Variants in ERBB2 observed in about 807,000 individuals in gnomAD.
ERBB2 encodes the protein receptor tyrosine-protein kinase erbB-2.
Under a neutral mutation model 149.0 loss-of-function variants are expected in ERBB2, and 61 were observed. The ratio of observed to expected loss-of-function variants is 0.41; its 90% confidence interval spans 0.33 to 0.51. ERBB2 has a LOEUF of 0.51. Among genes scored for constraint, ERBB2 ranks in the 20% least tolerant of loss-of-function variants. The pLI, the probability that ERBB2 is intolerant of heterozygous loss-of-function variation, is 0.25. For missense variants in ERBB2, 1,205 were observed against 1,655.1 expected (o/e 0.73, Z 4.72); for synonymous variants, 633 against 678.8 (o/e 0.93, Z 1.05).
chr17:39,704,880 G>C (rs1352774417), intron 1 of ERBB2, among the ~76,000 whole-genome samples: 1 of 152,170 alleles, frequency 6.6e-6, no homozygotes, highest in Non-Finnish European at 1.5e-5. Flanking sequence ...GCCCTCCGTA[G>C]AGCCTGTGGT....
upstream of ERBB2, among the ~76,000 whole-genome samples, chr17:39,697,698 T>C (rs984699689): frequency 6.6e-6 from 1 of 151,510 alleles, no homozygotes; most frequent in African/African-American, 2.4e-5. Context: ...TCTCTCTTGC[T>C]CTCTTTCTTT....
chr17:39,715,217 C>T (rs938854865), intron 9 of ERBB2, 69 bp from the exon 10 acceptor site: 1 of 1,316,506 alleles, frequency 7.6e-7, no homozygotes. Flanking sequence ...GAGTGGCTGG[C>T]ATGGCCAGTG....
upstream of ERBB2, among the ~76,000 whole-genome samples, chr17:39,690,487 A>G (rs995685155): frequency 1.3e-5 from 2 of 152,198 alleles, no homozygotes; most frequent in African/African-American, 4.8e-5. Flanking sequence ...CCATGCCTAC[A>G]TACCTGATGG....
intron 19 of ERBB2, among the ~76,000 whole-genome samples, chr17:39,724,270 T>A (rs1174817684): frequency 2.3e-5 from 3 of 128,190 alleles, no homozygotes; most frequent in African/African-American, 8.7e-5. Flanking sequence ...AAGCGCCCGC[T>A]AATTTTTTTT....
intron 1 of ERBB2, 109 bp from the exon 2 acceptor site, chr17:39,706,881 G>A: frequency 8.6e-7 from 1 of 1,167,322 alleles, no homozygotes; most frequent in Non-Finnish European, 1.2e-6. Flanking sequence ...CTTCAGTCAG[G>A]CTTCTCCCTG....
intron 16 of ERBB2, 30 bp downstream of exon 16, chr17:39,719,864 A>G: frequency 6.2e-7 from 1 of 1,611,544 alleles, no homozygotes; most frequent in South Asian, 1.1e-5. Context: ...TGTACCCTTC[A>G]TTGCCCTTCA....
In ERBB2 at chr17:39,723,689, C is replaced by G. The variant is rs1334918374; in HGVS notation, c.2208+29C>G. 11 of 1,590,192 alleles carry G rather than the reference C, an allele frequency of 6.9e-6. No homozygotes were observed. Among genetic ancestry groups the G allele is most frequent in the Non-Finnish European group, 9.4e-6 (11 of 1,168,342 alleles). ...AGGGCCAGGTCCTGGGGTGGGCGGC[C>G]CCAGAGGATGGGGGCGGTGCCTGGA... On this transcript the variant is annotated intron_variant, in intron 18 of 26. Coordinates refer to ENST00000269571, the MANE Select transcript of ERBB2 (RefSeq NM_004448.4). The surrounding 1 kb of genome is among the most constrained non-coding windows in gnomAD (Gnocchi z 6.2).
upstream of ERBB2, among the ~76,000 whole-genome samples, chr17:39,693,549 A>G (rs2057758389): frequency 6.6e-6 from 1 of 151,826 alleles, no homozygotes; most frequent in Admixed American, 6.6e-5. Context: ...TGGTGTGATC[A>G]TGGCTCACTG....
chr17:39,714,914 C>T (rs766422276), intron 9 of ERBB2, among the ~76,000 whole-genome samples: 3 of 151,534 alleles, frequency 2.0e-5, no homozygotes, highest in Non-Finnish European at 2.9e-5. Context: ...GGACTATAGG[C>T]GCGCGGCACC....
upstream of ERBB2, among the ~76,000 whole-genome samples, chr17:39,696,145 G>A (rs2057858396): frequency 6.6e-6 from 1 of 152,214 alleles, no homozygotes; most frequent in Non-Finnish European, 1.5e-5. Flanking sequence ...AGTTAAGGAG[G>A]AAATCGAATC....
chr17:39,710,608 T>C, intron 7 of ERBB2, 127 bp downstream of exon 7: 1 of 1,141,226 alleles, frequency 8.8e-7, no homozygotes, highest in Admixed American at 2.1e-5. Context: ...CCTGCCGAGC[T>C]GCCTTGTTCT....
upstream of ERBB2, among the ~76,000 whole-genome samples, chr17:39,697,609 GC>G (rs919180991): frequency 5.3e-5 from 8 of 152,036 alleles, no homozygotes; most frequent in Non-Finnish European, 7.4e-5. Context: ...ACCTGCCTTG[GC>G]CTCCCAAAGT....
upstream of ERBB2, chr17:39,699,543 C>G: frequency 6.5e-7 from 1 of 1,534,808 alleles, no homozygotes; most frequent in Non-Finnish European, 8.7e-7. Flanking sequence ...TCAGATACTT[C>G]AAAGATTCCA....
Position 39,711,931 on chromosome 17 carries a change from A to G in ERBB2, c.905A>G (p.Asn302Ser), listed in dbSNP as rs768855063. The change falls in exon 8 of 27, where the codon AAC (asparagine) becomes AGC (serine). Residue 302 changes from asparagine to serine, a missense_variant. Asn to Ser is a conservative substitution (Grantham distance 46). Around this residue, in one of 6 missense-constraint regions of ERBB2, gnomAD observed 569 missense variants for 803.5 expected, o/e 0.71. Coordinates refer to ENST00000269571, the MANE Select transcript of ERBB2 (RefSeq NM_004448.4). The stretch of plus-strand genomic sequence containing the variant: ...TACATGTTCCTGATCTCCTTAGACA[A>G]CTACCTTTCTACGGACGTGGGATCC... Reference protein sequence around the residue: ...GASCVTACPYNYLSTDVGSCT... With the variant: ...GASCVTACPYSYLSTDVGSCT... The G allele has an allele frequency of 6.2e-7, 1 of 1,614,078 alleles. No homozygotes were observed. The highest frequency in any genetic ancestry group is 1.7e-5 in the Admixed American group (1 of 60,014).
intron 1 of ERBB2, among the ~76,000 whole-genome samples, chr17:39,700,865 C>T (rs562763255): frequency 1.5e-4 from 23 of 152,102 alleles, no homozygotes; most frequent in Non-Finnish European, 2.1e-4. Flanking sequence ...GCAACCTGTC[C>T]CAACCAGAGC....
chr17:39,723,921 A>G lies in ERBB2; in HGVS notation c.2218A>G (p.Ile740Val), dbSNP rs1485579458. The change falls in exon 19 of 27, where the codon ATC (isoleucine) becomes GTC (valine). Residue 740 changes from isoleucine (I) to valine (V), a missense_variant. Coordinates refer to ENST00000269571, the MANE Select transcript of ERBB2 (RefSeq NM_004448.4). The surrounding 1 kb of genome is among the most constrained non-coding windows in gnomAD (Gnocchi z 6.2). ...AFGTVYKGIW[I>V]PDGENVKIPV... ...TCCTCTTTCTGCCCAGGGCATCTGG[A>G]TCCCTGATGGGGAGAATGTGAAAAT... The G allele has an allele frequency of 1.2e-6, 2 of 1,613,672 alleles. No individual in the cohort carries two copies. The highest frequency in any genetic ancestry group is 2.2e-5 in the South Asian group (2 of 91,074).
chr17:39,708,257 C>A, intron 2 of ERBB2, 64 bp from the exon 3 acceptor site: 1 of 1,363,964 alleles, frequency 7.3e-7, no homozygotes, highest in South Asian at 1.3e-5. Flanking sequence ...ACTGGGGAAC[C>A]CCAGGGAGGC....
chr17:39,715,139 TTG>T (rs2059043360), intron 9 of ERBB2, 145 bp from the exon 10 acceptor site: 2 of 644,732 alleles, frequency 3.1e-6, no homozygotes, highest in South Asian at 3.6e-5. Flanking sequence ...GGCCTGGGCT[TTG>T]AAGCCCAGGA....
At position 39,709,757 on chromosome 17, in the gene ERBB2, C is replaced by G. The variant is rs373738602; in HGVS notation, c.575-56C>G. The stretch of plus-strand genomic sequence containing the variant: ...GTTTGTGCCTCTCTCTGTTACTAAC[C>G]CGTCCTCTCGCTGTTAGACATCTCT... On this transcript the variant is annotated intron_variant, in intron 4 of 26. Transcript: ENST00000269571. 3.1e-4 allele frequency: 474 copies of G among 1,512,354 alleles called. 1 individual carries two copies. The highest frequency in any genetic ancestry group is 4.0e-4 in the Non-Finnish European group (434 of 1,093,398). The allele number at this position is 1,512,354 out of a possible 1,614,324, so 93.7% of individuals were successfully genotyped here.
Sources: allele counts gnomAD v4.1 joint callset (sites outside exome capture counted in the v4.1 genomes callset), GRCh38; gene constraint gnomAD v4.1.1; regional missense constraint gnomAD v4.1.1; non-coding constraint Gnocchi (gnomAD v3.1); transcripts MANE v1.5; gene names NCBI Gene and HGNC (gene_info 2026-07-23, HGNC 2026-07-21).